Variants in DCHS2 observed in about 807,000 individuals in gnomAD.
DCHS2 encodes the protein dachsous cadherin-related 2, also known as protocadherin-23.
A neutral mutation model predicts 182.4 loss-of-function variants in DCHS2; 142 were observed. That is an observed-to-expected ratio of 0.78 (90% CI 0.68 to 0.89). The LOEUF (loss-of-function observed/expected upper bound fraction) is 0.89, where lower values mean the gene tolerates loss of function less well. DCHS2 is among the 40% of genes least tolerant of loss of function. The pLI is 0.00. For missense variants in DCHS2, 4,319 were observed against 4,198.6 expected, an observed-to-expected ratio of 1.03 and a Z score of -0.79; for synonymous variants, 1,740 against 1,663.3, an observed-to-expected ratio of 1.05 and a Z score of -1.12.
At chr4:154,351,169 G>C (rs952617993) in intron 3 of DCHS2, among the ~76,000 whole-genome samples, 2 of 152,042 alleles carry the variant, frequency 1.3e-5, no homozygotes, top group Non-Finnish European at 2.9e-5. Context: ...ACAACAGGTG[G>C]GAAAAAGGGG....
chr4:154,344,562 G>A (rs149220275), intron 3 of DCHS2, among the ~76,000 whole-genome samples: 3 of 152,316 alleles, frequency 2.0e-5, no homozygotes, highest in African/African-American at 7.2e-5. Flanking sequence ...TAAAGAAACT[G>A]ATTACACAAG....
At chr4:154,382,069 A>G (rs1731194024) in intron 1 of DCHS2, among the ~76,000 whole-genome samples, 1 of 152,180 alleles carries the variant, frequency 6.6e-6, no homozygotes, top group Non-Finnish European at 1.5e-5. Context: ...ACAGCATGGT[A>G]CTGGTACGAA....
chr4:154,252,603 A>ACAT (rs1732431590), intron 16 of DCHS2, among the ~76,000 whole-genome samples: 1 of 151,874 alleles, frequency 6.6e-6, no homozygotes, highest in African/African-American at 2.4e-5. Flanking sequence ...ATTTCACTTA[A>ACAT]CATAATGACT....
At position 154,333,107 on chromosome 4, in the gene DCHS2, A is replaced by G; in HGVS notation, c.3101T>C (p.Val1034Ala). ...GVFAIDRALG[V>A]LFLNGSLGAG... ...GCCCAGGCTGCCGTTGAGGAACAGCACCCCCAGGGCTCTGTCGATGGCAAA... is the reference window on the plus strand; with the variant it reads ...GCCCAGGCTGCCGTTGAGGAACAGCGCCCCCAGGGCTCTGTCGATGGCAAA... Residue 1034 changes from valine to alanine, a missense_variant, in exon 5 of 20, where the codon GTG (valine) becomes GCG (alanine). Physicochemically the swap from Val to Ala is moderately conservative, Grantham distance 64. Transcript: ENST00000357232. The G allele has an allele frequency of 6.2e-7, 1 of 1,613,984 alleles. No individual in the cohort carries two copies. The highest frequency in any genetic ancestry group is 1.6e-4 in the Middle Eastern group (1 of 6,062).
At chr4:154,480,051 C>T (rs1735860809) in intron 1 of DCHS2, among the ~76,000 whole-genome samples, 1 of 152,146 alleles carries the variant, frequency 6.6e-6, no homozygotes, top group Non-Finnish European at 1.5e-5. Flanking sequence ...GGAGAGTAAA[C>T]AGTGCATAAG....
intron 1 of DCHS2, among the ~76,000 whole-genome samples, chr4:154,488,821 G>C (rs566641085): frequency 6.6e-6 from 1 of 152,072 alleles, no homozygotes; most frequent in East Asian, 1.9e-4. Flanking sequence ...GCAGTGAGCC[G>C]AGATTGAGCC....
intron 1 of DCHS2, among the ~76,000 whole-genome samples, chr4:154,454,139 A>G (rs1048507972): frequency 8.2e-4 from 123 of 149,386 alleles, no homozygotes; most frequent in African/African-American, 2.5e-3. Flanking sequence ...GCGCGCGCAC[A>G]CACACACACA....
chr4:154,296,380 AC>A (rs1274412447), intron 13 of DCHS2, among the ~76,000 whole-genome samples: 1 of 152,136 alleles, frequency 6.6e-6, no homozygotes, highest in Non-Finnish European at 1.5e-5. Context: ...GCGGGGAGTC[AC>A]TTGGTTAACT....
chr4:154,393,953 C>T (rs1369790557), intron 1 of DCHS2, among the ~76,000 whole-genome samples: 4 of 152,124 alleles, frequency 2.6e-5, no homozygotes, highest in African/African-American at 9.7e-5. Context: ...GTCTCAGACA[C>T]ATCCATACGC....
intron 12 of DCHS2, among the ~76,000 whole-genome samples, chr4:154,299,399 G>C (rs1735111660): frequency 6.6e-6 from 1 of 152,036 alleles, no homozygotes. Context: ...ACTTAAAATT[G>C]AACACAGGGA....
intron 1 of DCHS2, among the ~76,000 whole-genome samples, chr4:154,417,194 T>TGAGA (rs1732877971): frequency 6.8e-4 from 62 of 91,548 alleles, no homozygotes; most frequent in South Asian, 6.5e-3. Flanking sequence ...TGTGTGTGTG[T>TGAGA]GTGTGTGTGT....
chr4:154,375,301 A>G (rs1730838149), intron 2 of DCHS2, among the ~76,000 whole-genome samples: 1 of 152,122 alleles, frequency 6.6e-6, no homozygotes, highest in Non-Finnish European at 1.5e-5. Flanking sequence ...ACTAGCTATA[A>G]AAGGAAGCAA....
intron 3 of DCHS2, among the ~76,000 whole-genome samples, chr4:154,339,080 C>T (rs1363493029): frequency 6.6e-6 from 1 of 152,172 alleles, no homozygotes; most frequent in Non-Finnish European, 1.5e-5. Context: ...CACCCATCTG[C>T]AAGCTGGAGA....
At chr4:154,307,796 C>A (rs116760263) in intron 10 of DCHS2, among the ~76,000 whole-genome samples, 2 of 152,118 alleles carry the variant, frequency 1.3e-5, no homozygotes, top group African/African-American at 4.8e-5. Context: ...ATAATCACCC[C>A]TCTTCCATTC....
rs1169691608 is a variant in DCHS2 at position 154,379,074 on chromosome 4, A to C, written c.2053-1630T>G. ...GAATGCAGAAATATAAAGTGATGAC[A>C]ATTGGAAATAAAAGAGAATTAAGCA... On this transcript the variant is annotated intron_variant, in intron 1 of 19. Coordinates refer to ENST00000357232, the MANE Select transcript of DCHS2 (RefSeq NM_001358235.2). 2.0e-5 allele frequency among the ~76,000 whole-genome samples: 3 copies of C among 152,240 alleles called. No homozygotes were observed. The East Asian group carries it at 5.8e-4, about 29-fold the overall frequency.
chr4:154,425,708 A>G (rs1265103617), intron 1 of DCHS2, among the ~76,000 whole-genome samples: 1 of 152,272 alleles, frequency 6.6e-6, no homozygotes, highest in Non-Finnish European at 1.5e-5. Context: ...TCGCAAAGCC[A>G]CAATGCTTAA....
chr4:154,391,293 C>A, intron 1 of DCHS2: 7 of 1,590,246 alleles, frequency 4.4e-6, no homozygotes, highest in Non-Finnish European at 5.1e-6. Flanking sequence ...CTCATCCAGT[C>A]TCATGATTTT....
chr4:154,413,924 T>C (rs1732726508), intron 1 of DCHS2, among the ~76,000 whole-genome samples: 1 of 152,228 alleles, frequency 6.6e-6, no homozygotes, highest in African/African-American at 2.4e-5. Flanking sequence ...GCATGCTCTG[T>C]CTTCTTGAGA....
chr4:154,395,426 T>C (rs1331092486), intron 1 of DCHS2, among the ~76,000 whole-genome samples: 1 of 152,116 alleles, frequency 6.6e-6, no homozygotes. Context: ...AGACTCTGGA[T>C]TAAATCTTTA....
Sources: gnomAD v4.1 joint callset for allele counts (sites outside exome capture counted in the v4.1 genomes callset) on GRCh38, gnomAD v4.1.1 for gene constraint, MANE v1.5 for transcripts, NCBI Gene and HGNC (gene_info 2026-07-23, HGNC 2026-07-21) for gene names.